SEMA4G: variants seen among roughly 807,000 people sequenced by gnomAD.
SEMA4G encodes the protein semaphorin-4G.
Under a neutral mutation model 81.2 loss-of-function variants are expected in SEMA4G, and 59 were observed. The ratio of observed to expected loss-of-function variants is 0.73; its 90% CI spans 0.59 to 0.90. The LOEUF (loss-of-function observed/expected upper bound fraction) is 0.90. SEMA4G is among the 40% of genes least tolerant of loss of function. SEMA4G has a pLI of 0.00. For missense variants in SEMA4G, 952 were observed against 1,102.3 expected (o/e 0.86, Z 1.93); for synonymous variants, 404 against 433.9 (o/e 0.93, Z 0.86).
rs776167522 is a variant in SEMA4G, at chr10:100,981,488, G to A, written c.1690+259G>A. 7.4e-6 allele frequency: 12 copies of A among 1,614,192 alleles called. No homozygotes were observed. The East Asian group carries it at 2.5e-4, about 33-fold the overall frequency. On this transcript the variant is annotated intron_variant, in intron 13 of 13. Transcript: ENST00000370250. ...TTATAGCCAAGTAGTGGATGACAAGGGTTCAGGACGGTAATGGGTATTTCC... is the reference window on the plus strand; with the variant it reads ...TTATAGCCAAGTAGTGGATGACAAGAGTTCAGGACGGTAATGGGTATTTCC...
At chr10:100,974,125 C>T (rs1850713476) in intron 3 of SEMA4G, among the ~76,000 whole-genome samples, 1 of 151,946 alleles carries the variant, frequency 6.6e-6, no homozygotes, top group South Asian at 2.1e-4. Flanking sequence ...ACTAGTTTGT[C>T]CCGCAGTGGC....
rs1589988610 is a variant in SEMA4G, at chr10:100,979,401, T to TA, written c.983+132dup. The stretch of plus-strand genomic sequence containing the variant: ...CAAAGTGAGAATTTTTTTTTTTTTT[T>TA]AAGAGGGAGTCTTGCTCTGTTGCCA... On this transcript the variant is annotated intron_variant, in intron 8 of 13. Transcript: ENST00000370250. 1.9e-6 allele frequency: 3 copies of TA among 1,548,308 alleles called. No homozygotes were observed. In the East Asian group the frequency reaches 6.8e-5, roughly 35 times the overall value.
rs183560211 is a variant in SEMA4G, at chr10:100,978,465, T to C, written c.530-62T>C. ...CTCATCTCTAGGACCTGCCACCATG[T>C]ATATGTCATGTGCCCTGTTGAATAT... On this transcript the variant is annotated intron_variant, in intron 5 of 13. Transcript: ENST00000370250. 22 of 1,593,000 alleles carry C rather than the reference T, an allele frequency of 1.4e-5. No individual in the cohort carries two copies. The East Asian group carries it at 4.7e-4, about 34-fold the overall frequency.
chr10:100,976,353 G>A (rs1398645545), intron 3 of SEMA4G, among the ~76,000 whole-genome samples: 1 of 152,120 alleles, frequency 6.6e-6, no homozygotes, highest in Non-Finnish European at 1.5e-5. Flanking sequence ...CCGATACAGT[G>A]GTGTGATCCA....
exon 14 of SEMA4G, chr10:100,984,341 A>G (rs1851312352): frequency 6.9e-7 from 1 of 1,441,638 alleles, no homozygotes; most frequent in Non-Finnish European, 9.1e-7. Context: ...GCCCAGGCCC[A>G]TCGGTGCTCC....
At chr10:100,983,549 C>T (rs1851239938) in exon 14 of SEMA4G, 2 of 1,613,920 alleles carry the variant, frequency 1.2e-6, no homozygotes, top group South Asian at 2.2e-5. Context: ...TGCTGGCCTC[C>T]TATAGTCTCA....
chr10:100,978,828 C>T (rs1304505399), intron 6 of SEMA4G, 21 bp from the exon 8 acceptor site: 2 of 1,610,612 alleles, frequency 1.2e-6, no homozygotes, highest in Non-Finnish European at 1.7e-6. Flanking sequence ...TCAAAAGCCT[C>T]TCAAACTGCC....
At chr10:100,972,224 C>T (rs745690121), upstream of SEMA4G, among the ~76,000 whole-genome samples, 8 of 152,176 alleles carry the variant, frequency 5.3e-5, no homozygotes, top group South Asian at 1.7e-3. Context: ...AGCAGGCATT[C>T]TCTCCAAGAA....
chr10:100,975,040 C>A (rs201971889), intron 3 of SEMA4G: 16 of 534,164 alleles, frequency 3.0e-5, no homozygotes, highest in Non-Finnish European at 5.0e-5. Context: ...AAGGCATCTC[C>A]AAGAGCTTCC....
chr10:100,981,172 G>A, exon 13 of SEMA4G: 2 of 1,614,238 alleles, frequency 1.2e-6, no homozygotes, highest in Non-Finnish European at 1.7e-6. Flanking sequence ...TCCCAGGACA[G>A]CACTGATACA....
chr10:100,982,524 G>A (rs1217706603), intron 13 of SEMA4G, among the ~76,000 whole-genome samples: 1 of 152,232 alleles, frequency 6.6e-6, no homozygotes, highest in Non-Finnish European at 1.5e-5. Context: ...CGGGCACGGT[G>A]GCTCATGCCT....
intron 3 of SEMA4G, 39 bp from the exon 5 acceptor site, chr10:100,977,593 A>G: frequency 6.5e-7 from 1 of 1,529,816 alleles, no homozygotes; most frequent in Non-Finnish European, 9.1e-7. Context: ...GCTTCTAGTC[A>G]GGCAGGGGGC....
intron 8 of SEMA4G, 25 bp downstream of exon 9, chr10:100,979,296 C>G: frequency 1.2e-6 from 2 of 1,614,044 alleles, no homozygotes; most frequent in African/African-American, 2.7e-5. Flanking sequence ...AATCGGGAGG[C>G]AAGAAACTGC....
rs377323566 is a variant in SEMA4G at position 100,976,456 on chromosome 10, T to C, written c.337-1176T>C. ...TCGACCTCCTGGGCTCAAACAATTC[T>C]CTTGCCTAAGCCTCCCAAGTAGCTA... is the stretch of plus-strand genomic sequence containing the variant. On this transcript the variant is annotated intron_variant, in intron 3 of 13. Coordinates refer to ENST00000370250, the Ensembl canonical transcript of SEMA4G. 1.2e-4 allele frequency among the ~76,000 whole-genome samples: 18 copies of C among 152,264 alleles called. No individual in the cohort carries two copies. In the East Asian group the frequency reaches 3.1e-3, roughly 26 times the overall value.
exon 11 of SEMA4G, chr10:100,980,607 C>A (rs781235374): frequency 6.2e-7 from 1 of 1,614,202 alleles, no homozygotes; most frequent in Non-Finnish European, 8.5e-7. Flanking sequence ...GGCCGTAGTC[C>A]TGGGCTCTGG....
rs1180219371 is a variant in SEMA4G at position 100,984,507 on chromosome 10, C to CAT, written c.*379_*380dup. The CAT allele has an allele frequency of 3.9e-6, 6 of 1,535,752 alleles. No individual in the cohort carries two copies. The Admixed American group carries it at 1.2e-4, about 30-fold the overall frequency. ...TCTCCCAGGCAGGGCTCTGCAGGTC[C>CAT]ATATGGGCTCAATGTCACCACCCTC... On this transcript the variant is annotated 3_prime_UTR_variant, in exon 14 of 14. Transcript: ENST00000370250.
At chr10:100,977,916 GCA>G (rs1850871715) in intron 4 of SEMA4G, 186 bp downstream of exon 5, 1 of 600,512 alleles carries the variant, frequency 1.7e-6, no homozygotes, top group Non-Finnish European at 3.0e-6. Context: ...TAAAAACCAT[GCA>G]GTTTTTATAG....
rs1031189939 is a variant in SEMA4G at position 100,973,665 on chromosome 10, A to G, written c.336+56A>G. ...TCCTCCCCTTCTTCCTCAATCAGGG[A>G]TGCCAGGATTGTTGGGGACACAGAT... On this transcript the variant is annotated intron_variant, in intron 3 of 13. Coordinates refer to ENST00000370250, the Ensembl canonical transcript of SEMA4G. The surrounding 1 kb of genome is among the most constrained non-coding windows in gnomAD (Gnocchi z 5.5). 6.6e-7 allele frequency: 1 copy of G among 1,526,026 alleles called. No individual in the cohort carries two copies. The highest frequency in any genetic ancestry group is 9.0e-7 in the Non-Finnish European group (1 of 1,105,088). The allele number at this position is 1,526,026 out of a possible 1,614,324, so 94.5% of individuals were successfully genotyped here.
chr10:100,971,483 A>T (rs1190823929), upstream of SEMA4G, among the ~76,000 whole-genome samples: 2 of 151,916 alleles, frequency 1.3e-5, no homozygotes, highest in East Asian at 3.9e-4. Context: ...GCTGACCTTT[A>T]CCTCTTGAAT....
Sources: gnomAD v4.1 joint callset for allele counts (sites outside exome capture counted in the v4.1 genomes callset) on GRCh38, gnomAD v4.1.1 for gene constraint, Gnocchi (gnomAD v3.1) non-coding constraint, MANE v1.5 for transcripts, NCBI Gene and HGNC (gene_info 2026-07-23, HGNC 2026-07-21) for gene names.